The following TMCC3 variants were observed in gnomAD, a reference collection of about 807,000 sequenced individuals.
TMCC3 encodes the protein transmembrane and coiled-coil domain protein 3.
TMCC3 carries 28 observed loss-of-function variants against 40.2 expected under a neutral mutation model. The observed-to-expected ratio is 0.70, with a 90% CI of 0.52 to 0.95. The LOEUF (loss-of-function observed/expected upper bound fraction) is 0.95. Ranked by LOEUF, TMCC3 falls within the 40% of genes least tolerant of loss-of-function variation. TMCC3 has a pLI of 0.00. For missense variants in TMCC3, 554 were observed against 615.2 expected (o/e 0.90, Z 1.05); for synonymous variants, 255 against 248.5 (o/e 1.03, Z -0.25).
In TMCC3 at chr12:94,631,282, G is replaced by A. The variant is rs1015521008; in HGVS notation, c.78+19071C>T. ...AATCCACAAAGCCTAGGGGATATGGGCTGATTTGTGTACTCTTAAAAATTC... is the reference window on the plus strand; with the variant it reads ...AATCCACAAAGCCTAGGGGATATGGACTGATTTGTGTACTCTTAAAAATTC... On this transcript the variant is annotated intron_variant, in intron 1 of 3. Transcript: ENST00000261226. Among the ~76,000 whole-genome samples, 6 of 152,150 alleles carry A rather than the reference G, an allele frequency of 3.9e-5. No homozygotes were observed. The South Asian group carries it at 8.3e-4, about 21-fold the overall frequency.
chr12:94,599,564 C>G (rs201664211), intron 1 of TMCC3, among the ~76,000 whole-genome samples: 71 of 139,480 alleles, frequency 5.1e-4, no homozygotes, highest in South Asian at 1.2e-3. Flanking sequence ...ATACCCCCCC[C>G]CCCGCCCACA....
In TMCC3 at chr12:94,582,207, T is replaced by C. The variant is rs1274765544; in HGVS notation, c.410A>G (p.His137Arg). ...CTGCTCGATCTCTCTGAGCTTTCGA[T>C]GATACTGCTCTAACTTCTTCTGCAG... ...AQLQKKLEQY[H>R]RKLREIEQNG... Residue 137 changes from histidine (H) to arginine (R), a missense_variant, in exon 2 of 4, where the codon CAT (histidine) becomes CGT (arginine). By Grantham distance (29) the His-to-Arg change is conservative. Coordinates refer to ENST00000261226, the MANE Select transcript of TMCC3 (RefSeq NM_020698.4). 8.7e-6 allele frequency: 14 copies of C among 1,614,218 alleles called. No individual in the cohort carries two copies. The highest frequency in any genetic ancestry group is 1.2e-5 in the Non-Finnish European group (14 of 1,180,040).
rs142372305 is a variant in TMCC3 at position 94,622,066 on chromosome 12, G to A, written c.78+28287C>T. Among the ~76,000 whole-genome samples, 6 of 152,266 alleles carry A rather than the reference G, an allele frequency of 3.9e-5. No individual in the cohort carries two copies. The East Asian group carries it at 7.7e-4, about 20-fold the overall frequency. ...GAACACAGGACAATTCAAAGTTTTC[G>A]GATCACACCATTTCTTGGTCAAATA... On this transcript the variant is annotated intron_variant, in intron 1 of 3. Coordinates refer to ENST00000261226, the MANE Select transcript of TMCC3 (RefSeq NM_020698.4).
chr12:94,596,894 C>A (rs942546818), intron 1 of TMCC3, among the ~76,000 whole-genome samples: 1 of 152,032 alleles, frequency 6.6e-6, no homozygotes, highest in Non-Finnish European at 1.5e-5. Context: ...ACGAATGGTT[C>A]ATGGCTTGTG....
At chr12:94,633,365 A>T (rs1179021854) in intron 1 of TMCC3, among the ~76,000 whole-genome samples, 1 of 152,212 alleles carries the variant, frequency 6.6e-6, no homozygotes, top group Non-Finnish European at 1.5e-5. Context: ...AAAACAAGTG[A>T]CAGAAATTTG....
intron 1 of TMCC3, among the ~76,000 whole-genome samples, chr12:94,612,067 C>T (rs1299886520): frequency 6.6e-6 from 1 of 152,186 alleles, no homozygotes; most frequent in Non-Finnish European, 1.5e-5. Context: ...GGTGCAATCA[C>T]AGCTCACTGC....
intron 1 of TMCC3, among the ~76,000 whole-genome samples, chr12:94,639,747 C>A (rs2068979284): frequency 9.7e-6 from 1 of 103,172 alleles, no homozygotes; most frequent in African/African-American, 3.9e-5. Context: ...GAAAAGGAAG[C>A]CAAAATCAAG....
chr12:94,623,349 T>G (rs916378740), intron 1 of TMCC3, among the ~76,000 whole-genome samples: 1 of 152,148 alleles, frequency 6.6e-6, no homozygotes, highest in African/African-American at 2.4e-5. Context: ...GTCAGGACCC[T>G]GTAACTGAGG....
intron 1 of TMCC3, among the ~76,000 whole-genome samples, chr12:94,585,039 T>C (rs796083648): frequency 8.5e-5 from 13 of 152,218 alleles, no homozygotes; most frequent in African/African-American, 3.1e-4. Flanking sequence ...TTTGGGCAGA[T>C]GGGTAATTAA....
At chr12:94,581,599 G>A (rs577657522) in intron 2 of TMCC3, 23 bp downstream of exon 2, 31 of 1,310,638 alleles carry the variant, frequency 2.4e-5, no homozygotes, top group South Asian at 1.4e-4. Flanking sequence ...TAAAAAACAC[G>A]CCAATGGAAT....
chr12:94,649,879 T>A (rs1283790215), intron 1 of TMCC3, among the ~76,000 whole-genome samples: 1 of 151,754 alleles, frequency 6.6e-6, no homozygotes, highest in Non-Finnish European at 1.5e-5. Context: ...GCGCTCCGGC[T>A]GCGCACCGCG....
chr12:94,585,981 T>C (rs2138831021), intron 1 of TMCC3, among the ~76,000 whole-genome samples: 1 of 152,332 alleles, frequency 6.6e-6, no homozygotes, highest in African/African-American at 2.4e-5. Flanking sequence ...CCATCATTCT[T>C]TATTCCAAGG....
intron 1 of TMCC3, among the ~76,000 whole-genome samples, chr12:94,626,109 C>T (rs1203322276): frequency 6.6e-5 from 10 of 152,096 alleles, no homozygotes; most frequent in African/African-American, 2.4e-4. Flanking sequence ...CAAGAGAGAA[C>T]GCATGTGTGA....
intron 1 of TMCC3, chr12:94,616,136 T>A: frequency 1.0e-6 from 1 of 979,968 alleles, no homozygotes; most frequent in Non-Finnish European, 1.2e-6. Context: ...CTGTACCCAA[T>A]ACAAATGTCA....
At position 94,572,306 on chromosome 12, in the gene TMCC3, C is replaced by CTTTT. The variant is rs527894810; in HGVS notation, c.1132-573_1132-570dup. ...AGCCACCATGCCCAGCCGACTTCAT[C>CTTTT]TTTTTTTTTTTTTTTTTTTTTTGAG... On this transcript the variant is annotated intron_variant, in intron 3 of 3. Coordinates refer to ENST00000261226, the MANE Select transcript of TMCC3 (RefSeq NM_020698.4). 7.4e-3 allele frequency among the ~76,000 whole-genome samples: 374 copies of CTTTT among 50,652 alleles called. 35 individuals are homozygous for CTTTT. The highest frequency in any genetic ancestry group is 0.027 in the African/African-American group (360 of 13,380). The allele number at this position is 50,652 out of a possible 152,430, so 33.2% of individuals were successfully genotyped here.
In TMCC3 at chr12:94,582,508, G is replaced by T; in HGVS notation, c.109C>A (p.Leu37Met). ...VERHDMNTLS[L>M]PLNIRRGGSD... Reference sequence around the variant, plus strand: ...CCCCCTCGGCGTATGTTCAGGGGCAGGCTTAAGGTATTCATGTCATGACGT... The same window carrying T: ...CCCCCTCGGCGTATGTTCAGGGGCATGCTTAAGGTATTCATGTCATGACGT... Residue 37 changes from leucine to methionine, a missense_variant, in exon 2 of 4, where the codon CTG becomes ATG. Leu to Met is a conservative substitution (Grantham distance 15). Coordinates refer to ENST00000261226, the MANE Select transcript of TMCC3 (RefSeq NM_020698.4). 6.2e-7 allele frequency: 1 copy of T among 1,611,008 alleles called. No homozygotes were observed. The highest frequency in any genetic ancestry group is 1.1e-5 in the South Asian group (1 of 90,558).
rs775942177 is a variant in TMCC3, at chr12:94,633,949, AT to A, written c.78+16403del. ...ATATATATTATTCTTTTTGTTTTTT[AT>A]TTTTTTTTTTTTTGAGACAGAGTCT... On this transcript the variant is annotated intron_variant, in intron 1 of 3. Coordinates refer to ENST00000261226, the MANE Select transcript of TMCC3 (RefSeq NM_020698.4). Among the ~76,000 whole-genome samples, 702 of 142,136 alleles carry A rather than the reference AT, an allele frequency of 4.9e-3. 4 individuals carry two copies. The highest frequency in any genetic ancestry group is 7.6e-3 in the Non-Finnish European group (493 of 64,702). 93.2% of individuals were successfully genotyped at this position (142,136 alleles called of 152,430 possible).
intron 1 of TMCC3, among the ~76,000 whole-genome samples, chr12:94,595,312 T>C (rs1046215281): frequency 1.3e-5 from 2 of 152,194 alleles, no homozygotes; most frequent in Non-Finnish European, 2.9e-5. Flanking sequence ...CCAGCATTCC[T>C]ATGTTTAATA....
chr12:94,640,894 G>A (rs1566337889), intron 1 of TMCC3, among the ~76,000 whole-genome samples: 1 of 152,178 alleles, frequency 6.6e-6, no homozygotes, highest in African/African-American at 2.4e-5. Flanking sequence ...ACAGATGATC[G>A]ACATTTAAGA....
Sources: allele counts gnomAD v4.1 joint callset (sites outside exome capture counted in the v4.1 genomes callset), GRCh38; gene constraint gnomAD v4.1.1; transcripts MANE v1.5; gene names NCBI Gene and HGNC (gene_info 2026-07-23, HGNC 2026-07-21).